SDK2: variants seen among roughly 807,000 people sequenced by gnomAD.
SDK2 encodes the protein sidekick cell adhesion molecule 2, also known as protein sidekick-2.
A neutral mutation model predicts 253.9 loss-of-function variants in SDK2; 105 were observed. The observed-to-expected ratio is 0.41, with a 90% CI of 0.35 to 0.49. SDK2 has a LOEUF of 0.49. Among genes scored for constraint, SDK2 ranks in the 20% least tolerant of loss-of-function variants. The pLI is 0.06. For missense variants in SDK2, 2,608 were observed against 3,003.0 expected, an observed-to-expected ratio of 0.87 and a Z score of 3.07; for synonymous variants, 1,249 against 1,234.9, an observed-to-expected ratio of 1.01 and a Z score of -0.24.
chr17:73,427,086 T>TA (rs746271137), intron 12 of SDK2, among the ~76,000 whole-genome samples: 190 of 149,818 alleles, frequency 1.3e-3, no homozygotes, highest in African/African-American at 4.1e-3. Context: ...CTCCATCTCA[T>TA]AAAAAAAAAG....
In SDK2 at chr17:73,401,147, G is replaced by A. The variant is rs79432016; in HGVS notation, c.2844C>T (p.Asn948=). ...TNTRVTHYLP[N]VTLEYRVTGL... is the part of the protein sequence containing the mutation. ...CCGTGACACGGTACTCCAGGGTCAC[G>A]TTGGGCAGGTAGTGGGTCACACGGG... Residue 948 remains asparagine (N), a synonymous_variant, in exon 21 of 45, where the codon AAC becomes AAT. Coordinates refer to ENST00000392650, the MANE Select transcript of SDK2 (RefSeq NM_001144952.2). 2.5e-3 allele frequency: 3,918 copies of A among 1,560,468 alleles called. 85 individuals carry two copies. In the East Asian group the frequency reaches 0.051, roughly 20 times the overall value.
Position 73,423,450 on chromosome 17 carries a change from C to T in SDK2, c.1833G>A (p.Thr611=), listed in dbSNP as rs146912233. 1.4e-5 allele frequency: 23 copies of T among 1,592,578 alleles called. No individual in the cohort carries two copies. Among genetic ancestry groups the T allele is most frequent in the Middle Eastern group, 1.7e-4 (1 of 6,002 alleles). ...STVERRAINL[T]WTKPFDGNSP... is the part of the protein sequence containing the mutation. ...TGTTGCCATCAAAGGGCTTGGTCCA[C>T]GTCAGGTTGATGGCTCGCCTTTCCA... Residue 611 remains threonine, a synonymous_variant, in exon 14 of 45, where the codon ACG becomes ACA. Coordinates refer to ENST00000392650, the MANE Select transcript of SDK2 (RefSeq NM_001144952.2).
intron 1 of SDK2, among the ~76,000 whole-genome samples, chr17:73,623,185 A>G (rs150829597): frequency 0.017 from 2,596 of 152,290 alleles, 36 homozygotes; most frequent in Non-Finnish European, 0.025. Flanking sequence ...TTGTTATGCT[A>G]TAGATAACTA....
intron 1 of SDK2, among the ~76,000 whole-genome samples, chr17:73,624,155 A>G (rs74412659): frequency 0.06 from 9,130 of 152,292 alleles, 917 homozygotes; most frequent in African/African-American, 0.21. Context: ...TAGGAAGCCA[A>G]TAGCTTCTCC....
chr17:73,376,022 C>CGTCTCTACTAAAA (rs2062777465), intron 36 of SDK2, among the ~76,000 whole-genome samples: 1 of 141,142 alleles, frequency 7.1e-6, no homozygotes, highest in African/African-American at 2.6e-5. Context: ...GGTGAAACCC[C>CGTCTCTACTAAAA]GTCTCTACTA....
intron 1 of SDK2, among the ~76,000 whole-genome samples, chr17:73,566,319 A>ATGTG (rs55940592): frequency 0.024 from 3,361 of 139,372 alleles, 50 homozygotes; most frequent in Middle Eastern, 0.07. Flanking sequence ...TTATATATAT[A>ATGTG]TGTGTGTGTG....
chr17:73,586,350 T>C (rs1032033260), intron 1 of SDK2, among the ~76,000 whole-genome samples: 1 of 152,130 alleles, frequency 6.6e-6, no homozygotes, highest in African/African-American at 2.4e-5. Flanking sequence ...AATTCATCCA[T>C]GTCGCTCACT....
rs1414033021 is a variant in SDK2, at chr17:73,395,113, AG to A, written c.3592+41del. ...GACCCTGAGGGCATAGAGACCAAGG[AG>A]GGGACAGGCAGCAGGGTGGCTGGGT... On this transcript the variant is annotated intron_variant, in intron 25 of 44. Transcript: ENST00000392650. This position sits in a 1 kb window ranked among gnomAD's most constrained non-coding sequence, Gnocchi z 4.3. 6.7e-7 allele frequency: 1 copy of A among 1,490,144 alleles called. No individual in the cohort carries two copies. The highest frequency in any genetic ancestry group is 2.0e-5 in the Admixed American group (1 of 51,120). The allele number at this position is 1,490,144 out of a possible 1,614,324, so 92.3% of individuals were successfully genotyped here.
chr17:73,416,100 G>T, intron 16 of SDK2, 108 bp from the exon 17 acceptor site: 1 of 1,011,400 alleles, frequency 9.9e-7, no homozygotes, highest in Non-Finnish European at 1.4e-6. Context: ...GGTGGTGGCG[G>T]AAGTGCTCTG....
chr17:73,629,848 G>C lies in SDK2; in HGVS notation c.64+14177C>G, dbSNP rs560394833. On this transcript the variant is annotated intron_variant, in intron 1 of 44. Transcript: ENST00000392650. This position sits in a 1 kb window ranked among gnomAD's most constrained non-coding sequence, Gnocchi z 5.0. ...TTTTGGTTATCCATTGGCTCATGGG[G>C]GTTACTTTGGAGCTTCTAGAAAAGC... 1.3e-5 allele frequency among the ~76,000 whole-genome samples: 2 copies of C among 152,276 alleles called. No homozygotes were observed. The highest frequency in any genetic ancestry group is 2.4e-5 in the African/African-American group (1 of 41,546).
At chr17:73,509,351 A>G (rs1490452199) in intron 1 of SDK2, among the ~76,000 whole-genome samples, 1 of 152,162 alleles carries the variant, frequency 6.6e-6, no homozygotes, top group African/African-American at 2.4e-5. Context: ...CCTGAACCCT[A>G]AAGTACGGTG....
chr17:73,505,498 CCTCAATAGCTGGACCTCATCATCG>C (rs2063927710), intron 2 of SDK2, among the ~76,000 whole-genome samples: 6 of 151,968 alleles, frequency 3.9e-5, no homozygotes, highest in Non-Finnish European at 7.4e-5. Context: ...TCATCATCAT[CCTCAATAGCTGGACCTCATCATCG>C]TCAATAGCTG....
At chr17:73,401,338 G>A (rs2063023997) in intron 20 of SDK2, 127 bp from the exon 21 acceptor site, 2 of 899,608 alleles carry the variant, frequency 2.2e-6, no homozygotes, top group Admixed American at 5.1e-5. Context: ...GGGGCCAAGG[G>A]AGGTGGGAGC....
intron 1 of SDK2, among the ~76,000 whole-genome samples, chr17:73,590,360 G>A (rs1020943840): frequency 3.9e-5 from 6 of 152,180 alleles, no homozygotes; most frequent in African/African-American, 1.2e-4. Context: ...TTCCCCTGTC[G>A]GAGATGATGC....
rs1301685807 is a variant in SDK2 at position 73,435,414 on chromosome 17, G to A, written c.1195+36C>T. 1 of 1,540,242 alleles carries A rather than the reference G, an allele frequency of 6.5e-7. No individual in the cohort carries two copies. The highest frequency in any genetic ancestry group is 8.8e-7 in the Non-Finnish European group (1 of 1,137,842). On this transcript the variant is annotated intron_variant, in intron 9 of 44. Transcript: ENST00000392650. This position sits in a 1 kb window ranked among gnomAD's most constrained non-coding sequence, Gnocchi z 5.7. ...GAAGAAAGCTGCGTCCTGGGAAGAGGGGCTCACGGGCAGCACAAGGGAAGG... is the reference window on the plus strand; with the variant it reads ...GAAGAAAGCTGCGTCCTGGGAAGAGAGGCTCACGGGCAGCACAAGGGAAGG...
chr17:73,535,525 C>T (rs1304474160), intron 1 of SDK2, among the ~76,000 whole-genome samples: 12 of 152,318 alleles, frequency 7.9e-5, no homozygotes, highest in Middle Eastern at 3.4e-3. Flanking sequence ...ACATGCAACA[C>T]GTGTGTGCTT....
intron 38 of SDK2, among the ~76,000 whole-genome samples, chr17:73,364,457 T>C (rs1439756719): frequency 6.6e-6 from 1 of 152,076 alleles, no homozygotes; most frequent in Admixed American, 6.5e-5. Context: ...CTTGTGTATC[T>C]TCCTGGGGAG....
At chr17:73,438,693 G>T (rs544483560) in intron 6 of SDK2, among the ~76,000 whole-genome samples, 1 of 152,100 alleles carries the variant, frequency 6.6e-6, no homozygotes, top group South Asian at 2.1e-4. Context: ...GAAGAGCAAG[G>T]GTGTGAGTCT....
At chr17:73,501,205 G>T (rs1476101922) in intron 2 of SDK2, among the ~76,000 whole-genome samples, 2 of 149,736 alleles carry the variant, frequency 1.3e-5, no homozygotes, top group African/African-American at 5.0e-5. Context: ...GGCTGTGTGG[G>T]AATCATACAC....
Sources: gnomAD v4.1 joint callset for allele counts (sites outside exome capture counted in the v4.1 genomes callset) on GRCh38, gnomAD v4.1.1 for gene constraint, Gnocchi (gnomAD v3.1) non-coding constraint, MANE v1.5 for transcripts, NCBI Gene and HGNC (gene_info 2026-07-23, HGNC 2026-07-21) for gene names.